The following SYNM variants were observed in gnomAD, a reference collection of about 807,000 sequenced individuals.
SYNM encodes the protein desmuslin.
SYNM carries 95 observed loss-of-function variants against 104.0 expected under a neutral mutation model. The observed-to-expected ratio is 0.91, with a 90% CI of 0.77 to 1.08. SYNM has a LOEUF of 1.08. SYNM is among the 50% of genes least tolerant of loss of function. SYNM has a pLI of 0.00. For missense variants in SYNM, 2,150 were observed against 2,052.2 expected, an observed-to-expected ratio of 1.05 and a Z score of -0.92; for synonymous variants, 918 against 869.0, an observed-to-expected ratio of 1.06 and a Z score of -0.99.
Position 99,133,280 on chromosome 15 carries a change from A to G in SYNM, c.*222A>G. 1.1e-6 allele frequency: 1 copy of G among 931,370 alleles called. No individual in the cohort carries two copies. The highest frequency in any genetic ancestry group is 1.5e-6 in the Non-Finnish European group (1 of 662,974). 57.7% of individuals were successfully genotyped at this position (931,370 alleles called of 1,614,324 possible). ...ACTGCAATTTTATTTTTGAGTTGGG[A>G]CTTTTACAAAACACTTTTTTCCCTG... is the stretch of plus-strand genomic sequence containing the variant. On this transcript the variant is annotated 3_prime_UTR_variant, in exon 4 of 4. Coordinates refer to ENST00000336292, the MANE Select transcript of SYNM (RefSeq NM_145728.3).
intron 2 of SYNM, among the ~76,000 whole-genome samples, chr15:99,120,394 GT>G (rs1360166114): frequency 3.3e-5 from 5 of 152,188 alleles, no homozygotes; most frequent in Admixed American, 1.3e-4. Flanking sequence ...TTTGGAAAGG[GT>G]TTTCCAGGCA....
intron 2 of SYNM, among the ~76,000 whole-genome samples, chr15:99,125,812 T>TG (rs879953261): frequency 2.7e-4 from 41 of 152,300 alleles, no homozygotes; most frequent in Non-Finnish European, 4.7e-4. Context: ...GAGAAACTGT[T>TG]GCACCCAGAG....
At chr15:99,118,731 TAAAAC>T (rs1446452381) in intron 2 of SYNM, among the ~76,000 whole-genome samples, 5 of 152,096 alleles carry the variant, frequency 3.3e-5, no homozygotes, top group East Asian at 3.9e-4. Flanking sequence ...ATAATAAAAT[TAAAAC>T]AAAGCAAACC....
chr15:99,130,863 C>A lies in SYNM; in HGVS notation c.2503C>A (p.Pro835Thr), dbSNP rs1241142282. The A allele has an allele frequency of 1.2e-6, 2 of 1,613,826 alleles. No homozygotes were observed. Among genetic ancestry groups the A allele is most frequent in the Non-Finnish European group, 1.7e-6 (2 of 1,179,884 alleles). The change falls in exon 4 of 4, where the codon CCA becomes ACA. Residue 835 changes from proline (P) to threonine (T), a missense_variant. Transcript: ENST00000336292. The stretch of plus-strand genomic sequence containing the variant: ...CGAGCAGAGTTATTTTGTGTCCACT[C>A]CAGATGAACACCCCGGGGGGCACGA... ...EGEQSYFVST[P>T]DEHPGGHDRD...
chr15:99,111,612 T>C lies in SYNM; in HGVS notation c.811-1979T>C, dbSNP rs1471925760. ...TAAGCCAGTGATTTTTAAGTTTACT[T>C]CTTTGCTTTAAAAGCTAAGGGGTTT... On this transcript the variant is annotated intron_variant, in intron 1 of 3. Transcript: ENST00000336292. Among the ~76,000 whole-genome samples the C allele has an allele frequency of 3.3e-5, 5 of 152,262 alleles. No homozygotes were observed. The East Asian group carries it at 9.6e-4, about 29-fold the overall frequency.
intron 2 of SYNM, among the ~76,000 whole-genome samples, chr15:99,115,505 C>G (rs751108753): frequency 2.3e-5 from 3 of 129,630 alleles, no homozygotes; most frequent in Non-Finnish European, 4.7e-5. Flanking sequence ...TGCTCCATCT[C>G]CTAGGCTGGC....
In SYNM at chr15:99,132,656, A is replaced by G. The variant is rs1555486167; in HGVS notation, c.4296A>G (p.Ser1432=). The part of the protein sequence containing the change: ...PVSRTFVLAG[S]ADSPELGKLA... ...CCAGAACATTTGTGCTTGCTGGTTC[A>G]GCGGACTCCCCTGAGCTAGGCAAGT... The change falls in exon 4 of 4, where the codon TCA becomes TCG. Residue 1432 remains serine, a synonymous_variant. Transcript: ENST00000336292. 9 of 1,614,062 alleles carry G rather than the reference A, an allele frequency of 5.6e-6. No homozygotes were observed. The highest frequency in any genetic ancestry group is 7.6e-6 in the Non-Finnish European group (9 of 1,179,904).
rs373663552 is a variant in SYNM, at chr15:99,131,444, G to A, written c.3084G>A (p.Glu1028=). ...ELSKDEASEM[E]KAVESVVRES... is the part of the protein sequence containing the mutation. The stretch of plus-strand genomic sequence containing the variant: ...GCAAAGATGAGGCCAGTGAGATGGA[G>A]AAGGCTGTGGAGTCGGTGGTTCGGG... The change falls in exon 4 of 4, where the codon GAG becomes GAA. Residue 1028 remains glutamate (E), a synonymous_variant. Transcript: ENST00000336292. This position sits in a 1 kb window ranked among gnomAD's most constrained non-coding sequence, Gnocchi z 4.3. The A allele has an allele frequency of 8.3e-5, 134 of 1,608,494 alleles. No individual in the cohort carries two copies. The highest frequency in any genetic ancestry group is 1.1e-4 in the Non-Finnish European group (124 of 1,179,252).
intron 2 of SYNM, 49 bp downstream of exon 2, chr15:99,113,764 C>T: frequency 6.2e-7 from 1 of 1,604,682 alleles, no homozygotes; most frequent in Non-Finnish European, 8.5e-7. Flanking sequence ...GGGGGTGTAA[C>T]TTGCACATGA....
chr15:99,126,658 TTA>T, intron 2 of SYNM, 62 bp from the exon 3 acceptor site: 1 of 1,461,354 alleles, frequency 6.8e-7, no homozygotes, highest in East Asian at 2.5e-5. Flanking sequence ...ACGATACGTT[TTA>T]TTAGAGGCAC....
chr15:99,114,804 G>A (rs377763367), intron 2 of SYNM, among the ~76,000 whole-genome samples: 28 of 151,994 alleles, frequency 1.8e-4, no homozygotes, highest in African/African-American at 5.8e-4. Flanking sequence ...GTGCCAGTGC[G>A]TCTTTGATTG....
downstream of SYNM, chr15:99,137,016 C>G (rs2067643372): frequency 6.6e-6 from 1 of 152,298 alleles, no homozygotes; most frequent in African/African-American, 2.4e-5. Flanking sequence ...CTGCAATCTG[C>G]TGTCATAGCA....
the SYNM span, chr15:99,140,871 T>C: frequency 2.0e-5 from 3 of 152,168 alleles, no homozygotes; most frequent in African/African-American, 7.2e-5. Flanking sequence ...ACATTCAGAA[T>C]ACATGAAGAA....
intron 1 of SYNM, among the ~76,000 whole-genome samples, chr15:99,111,863 G>T (rs1555483434): frequency 6.6e-6 from 1 of 152,200 alleles, no homozygotes; most frequent in African/African-American, 2.4e-5. Flanking sequence ...TGGCCAACGT[G>T]GTGAAACCCC....
At chr15:99,124,354 C>G (rs2067428805) in intron 2 of SYNM, among the ~76,000 whole-genome samples, 1 of 152,156 alleles carries the variant, frequency 6.6e-6, no homozygotes, top group Non-Finnish European at 1.5e-5. Flanking sequence ...AGGGTGGCTG[C>G]CATTGGGCTG....
rs782508026 is a variant in SYNM at position 99,131,466 on chromosome 15, C to T, written c.3106C>T (p.Arg1036Trp). 2.1e-5 allele frequency: 33 copies of T among 1,606,176 alleles called. No individual in the cohort carries two copies. Among genetic ancestry groups the T allele is most frequent in the Middle Eastern group, 1.6e-4 (1 of 6,082 alleles). ...EMEKAVESVV[R>W]ESLSRQRSPA... ...GGAGAAGGCTGTGGAGTCGGTGGTT[C>T]GGGAGAGCCTGAGCAGGCAACGCAG... Residue 1036 changes from arginine (R) to tryptophan (W), a missense_variant, in exon 4 of 4, where the codon CGG (arginine) becomes TGG (tryptophan). Transcript: ENST00000336292. The surrounding 1 kb of genome is among the most constrained non-coding windows in gnomAD (Gnocchi z 4.3).
At chr15:99,120,492 G>C (rs560278487) in intron 2 of SYNM, among the ~76,000 whole-genome samples, 1 of 152,346 alleles carries the variant, frequency 6.6e-6, no homozygotes, top group Admixed American at 6.5e-5. Flanking sequence ...GGCTTTGGGG[G>C]CGTGTCATGG....
intron 1 of SYNM, among the ~76,000 whole-genome samples, chr15:99,113,224 T>G (rs2067316043): frequency 6.6e-6 from 1 of 152,212 alleles, no homozygotes; most frequent in Non-Finnish European, 1.5e-5. Context: ...TGATTTCTAG[T>G]CTTGGCTTAT....
At position 99,113,722 on chromosome 15, in the gene SYNM, A is replaced by T. The variant is rs782154718; in HGVS notation, c.935+7A>T. ...TGGAGGTGGCGACCTACCGGTAAGGAGACTGTGCTGAGTTGGCCTTGACGA... is the reference window on the plus strand; with the variant it reads ...TGGAGGTGGCGACCTACCGGTAAGGTGACTGTGCTGAGTTGGCCTTGACGA... On this transcript the variant is annotated splice_region_variant and intron_variant, in intron 2 of 3. Transcript: ENST00000336292. 8.7e-6 allele frequency: 14 copies of T among 1,613,420 alleles called. No homozygotes were observed. Among genetic ancestry groups the T allele is most frequent in the Non-Finnish European group, 1.2e-5 (14 of 1,179,652 alleles).
Sources: allele counts gnomAD v4.1 joint callset (sites outside exome capture counted in the v4.1 genomes callset), GRCh38; gene constraint gnomAD v4.1.1; non-coding constraint Gnocchi (gnomAD v3.1); transcripts MANE v1.5; gene names NCBI Gene and HGNC (gene_info 2026-07-23, HGNC 2026-07-21).